EPHA6: variants seen among roughly 807,000 people sequenced by gnomAD.
EPHA6 encodes ephrin type-A receptor 6.
Under a neutral mutation model 112.0 loss-of-function variants are expected in EPHA6, and 50 were observed. That is an observed-to-expected ratio of 0.45 (90% CI 0.36 to 0.56). EPHA6 has a LOEUF of 0.56. EPHA6 is among the 20% of genes least tolerant of loss of function. The probability of loss-of-function intolerance (pLI) is 0.00; values close to 1 mark genes in which losing one functional copy is unlikely to be tolerated. For synonymous variants in EPHA6, 529 were observed against 490.7 expected, an observed-to-expected ratio of 1.08 and a Z score of -1.03; for missense variants, 1,280 against 1,417.4, an observed-to-expected ratio of 0.90 and a Z score of 1.56.
chr3:97,347,035 T>A (rs2083566630), intron 5 of EPHA6, among the ~76,000 whole-genome samples: 1 of 152,024 alleles, frequency 6.6e-6, no homozygotes, highest in Admixed American at 6.6e-5. Context: ...TCACCAACAT[T>A]TTTATTACTG....
rs368339068 is a variant in EPHA6, at chr3:97,753,426, T to C, written c.*4725T>C. Among the ~76,000 whole-genome samples, 99 of 152,304 alleles carry C rather than the reference T, an allele frequency of 6.5e-4. No individual in the cohort carries two copies. The highest frequency in any genetic ancestry group is 1.5e-3 in the South Asian group (7 of 4,822). ...AAGAAATATTTTGGACCTCAAATTC[T>C]CATAGTATTCTTCCGAAACACTCCA... On this transcript the variant is annotated 3_prime_UTR_variant, in exon 18 of 18. Coordinates refer to ENST00000389672, the MANE Select transcript of EPHA6 (RefSeq NM_001080448.3).
At chr3:97,428,812 C>T (rs2089320989) in intron 6 of EPHA6, among the ~76,000 whole-genome samples, 1 of 152,108 alleles carries the variant, frequency 6.6e-6, no homozygotes, top group Admixed American at 6.6e-5. Flanking sequence ...TTGCTGAATA[C>T]AGAAATGCTC....
chr3:96,983,825 T>G (rs1195914722), intron 2 of EPHA6, among the ~76,000 whole-genome samples: 1 of 152,220 alleles, frequency 6.6e-6, no homozygotes, highest in African/African-American at 2.4e-5. Context: ...ACTGATACCC[T>G]TTTTTCCAGT....
chr3:97,584,661 T>A (rs2093470972), intron 11 of EPHA6, among the ~76,000 whole-genome samples: 1 of 152,166 alleles, frequency 6.6e-6, no homozygotes, highest in Admixed American at 6.5e-5. Context: ...TCTCCAGCTA[T>A]GTCAAGCACG....
At chr3:97,239,340 A>G (rs770947055) in intron 4 of EPHA6, among the ~76,000 whole-genome samples, 1 of 151,964 alleles carries the variant, frequency 6.6e-6, no homozygotes, top group East Asian at 1.9e-4. Context: ...AAAAAACTAT[A>G]TAAAAATACA....
intron 3 of EPHA6, among the ~76,000 whole-genome samples, chr3:97,126,595 C>A (rs2048187666): frequency 6.6e-6 from 1 of 151,870 alleles, no homozygotes; most frequent in African/African-American, 2.4e-5. Flanking sequence ...ATATGCCACA[C>A]CAAAAGATGA....
chr3:97,115,876 T>C (rs763824502), intron 3 of EPHA6, among the ~76,000 whole-genome samples: 18 of 151,944 alleles, frequency 1.2e-4, no homozygotes, highest in Middle Eastern at 6.8e-3. Flanking sequence ...ATCATCATCA[T>C]GTGAAAAGCA....
intron 10 of EPHA6, among the ~76,000 whole-genome samples, chr3:97,492,033 T>A (rs2091850666): frequency 6.6e-6 from 1 of 152,014 alleles, no homozygotes; most frequent in South Asian, 2.1e-4. Context: ...TAGGGAGGAA[T>A]TCATGGCCAT....
chr3:96,917,435 A>G (rs2039541475), intron 2 of EPHA6, among the ~76,000 whole-genome samples: 1 of 151,552 alleles, frequency 6.6e-6, no homozygotes, highest in South Asian at 2.1e-4. Flanking sequence ...AAAAAAAAAA[A>G]AAAAGAATTT....
At chr3:97,584,237 C>A (rs139919777) in intron 11 of EPHA6, among the ~76,000 whole-genome samples, 1 of 152,146 alleles carries the variant, frequency 6.6e-6, no homozygotes, top group Non-Finnish European at 1.5e-5. Flanking sequence ...TCCTACCATG[C>A]ACAAGATCTG....
At chr3:97,588,922 G>A (rs301968) in intron 11 of EPHA6, among the ~76,000 whole-genome samples, 3,115 of 152,204 alleles carry the variant, frequency 0.02, 35 homozygotes, top group Admixed American at 0.031. Context: ...TACATGTGCG[G>A]GTTTGTTACA....
intron 3 of EPHA6, chr3:96,994,294 A>G (rs2043322489): frequency 6.4e-6 from 2 of 310,878 alleles, no homozygotes; most frequent in African/African-American, 4.2e-5. Flanking sequence ...ATAACTTTTA[A>G]TTTTATTTCA....
chr3:97,663,760 G>A (rs1392090139), intron 14 of EPHA6, among the ~76,000 whole-genome samples: 1 of 152,100 alleles, frequency 6.6e-6, no homozygotes, highest in Non-Finnish European at 1.5e-5. Context: ...TTGGTTCCAA[G>A]TCTTTGCTAT....
chr3:96,870,589 T>C (rs2036575252), intron 2 of EPHA6, among the ~76,000 whole-genome samples: 1 of 152,126 alleles, frequency 6.6e-6, no homozygotes, highest in South Asian at 2.1e-4. Flanking sequence ...TTAGCAGTTA[T>C]CTTTAGCCTA....
Position 96,814,909 on chromosome 3 carries a change from G to A in EPHA6, c.286G>A (p.Gly96Arg), listed in dbSNP as rs760271886. ...GAAAAGAGAGCCTAGGAGAACCATGGGGGGCTGCGAAGTCCGGGAATTTCT... is the reference window on the plus strand; with the variant it reads ...GAAAAGAGAGCCTAGGAGAACCATGAGGGGCTGCGAAGTCCGGGAATTTCT... ...ERKREPRRTM[G>R]GCEVREFLLQ... Residue 96 changes from glycine (G) to arginine (R), a missense_variant, in exon 1 of 18, where the codon GGG becomes AGG. Physicochemically the swap from Gly to Arg is moderately radical, Grantham distance 125. Transcript: ENST00000389672. The A allele has an allele frequency of 3.9e-6, 6 of 1,552,870 alleles. No individual in the cohort carries two copies. Among genetic ancestry groups the A allele is most frequent in the Non-Finnish European group, 5.2e-6 (6 of 1,147,502 alleles).
chr3:97,748,741 TAAA>T lies in EPHA6; in HGVS notation c.*42_*44del. 3 of 1,042,852 alleles carry T rather than the reference TAAA, an allele frequency of 2.9e-6. No homozygotes were observed. Among genetic ancestry groups the T allele is most frequent in the Non-Finnish European group, 4.5e-6 (3 of 667,622 alleles). The allele number at this position is 1,042,852 out of a possible 1,614,324, so 64.6% of individuals were successfully genotyped here. On this transcript the variant is annotated 3_prime_UTR_variant, in exon 18 of 18. Coordinates refer to ENST00000389672, the MANE Select transcript of EPHA6 (RefSeq NM_001080448.3). ...CCTGTGTTTTGTGCCTCAGCATTTC[TAAA>T]ATGAACGATATCCTCTCTACTACTC...
At chr3:97,062,443 T>C (rs1458569556) in intron 3 of EPHA6, among the ~76,000 whole-genome samples, 1 of 151,970 alleles carries the variant, frequency 6.6e-6, no homozygotes, top group Non-Finnish European at 1.5e-5. Flanking sequence ...CTGACCAAGG[T>C]CTAACACCCA....
At chr3:97,328,075 A>ATATATATATATG (rs1451840006) in intron 5 of EPHA6, among the ~76,000 whole-genome samples, 4 of 146,214 alleles carry the variant, frequency 2.7e-5, no homozygotes, top group African/African-American at 1.0e-4. Context: ...ATATATATAT[A>ATATATATATATG]TATAACCTGT....
At chr3:97,700,070 C>T (rs1440685839) in intron 14 of EPHA6, among the ~76,000 whole-genome samples, 1 of 152,234 alleles carries the variant, frequency 6.6e-6, no homozygotes, top group African/African-American at 2.4e-5. Context: ...CAACATATTA[C>T]TGTGTTTGCT....
Sources: gnomAD v4.1 joint callset for allele counts (sites outside exome capture counted in the v4.1 genomes callset) on GRCh38, gnomAD v4.1.1 for gene constraint, MANE v1.5 for transcripts, NCBI Gene and HGNC (gene_info 2026-07-23, HGNC 2026-07-21) for gene names.